The following CCDC148 variants were observed in gnomAD, a reference collection of about 807,000 sequenced individuals.
CCDC148 encodes coiled-coil domain containing 148, also known as coiled-coil domain-containing protein 148.
A neutral mutation model predicts 85.7 loss-of-function variants in CCDC148; 89 were observed. The ratio of observed to expected loss-of-function variants is 1.04; its 90% CI spans 0.87 to 1.24. The LOEUF (loss-of-function observed/expected upper bound fraction) is 1.24, where lower values mean the gene tolerates loss of function less well. CCDC148 is among the 50% of genes most tolerant of loss of function. The pLI is 0.00. For missense variants in CCDC148, 692 were observed against 671.7 expected, an observed-to-expected ratio of 1.03 and a Z score of -0.33; for synonymous variants, 230 against 213.9, an observed-to-expected ratio of 1.08 and a Z score of -0.66.
At chr2:158,444,782 CT>C (rs1176073895) in intron 1 of CCDC148, among the ~76,000 whole-genome samples, 2 of 53,358 alleles carry the variant, frequency 3.7e-5, no homozygotes, top group Admixed American at 3.3e-4. Context: ...GAGACCCTGT[CT>C]TGAAAAAAAA....
At chr2:158,329,103 G>C (rs1692951964) in intron 7 of CCDC148, among the ~76,000 whole-genome samples, 1 of 152,282 alleles carries the variant, frequency 6.6e-6, no homozygotes, top group Middle Eastern at 3.4e-3. Flanking sequence ...CCTATGTCCT[G>C]AATGGTATTG....
At chr2:158,317,299 T>A (rs1256607791) in intron 7 of CCDC148, among the ~76,000 whole-genome samples, 1 of 152,248 alleles carries the variant, frequency 6.6e-6, no homozygotes, top group Non-Finnish European at 1.5e-5. Flanking sequence ...TGCTTTAGAA[T>A]GTTCATCTTT....
chr2:158,175,200 G>C (rs1418636088), intron 13 of CCDC148, among the ~76,000 whole-genome samples: 1 of 151,956 alleles, frequency 6.6e-6, no homozygotes, highest in African/African-American at 2.4e-5. Flanking sequence ...TAGCCCAGCG[G>C]CCTGAGACTT....
Position 158,178,867 on chromosome 2 carries a change from A to G in CCDC148, c.1488+12T>C, listed in dbSNP as rs1208880980. On this transcript the variant is annotated intron_variant, in intron 12 of 13. Coordinates refer to ENST00000283233, the MANE Select transcript of CCDC148 (RefSeq NM_138803.4). ...AAAAAACCACCCATGAAAATTTCCA[A>G]ATGAAAAACACCTGTTTCCTAAGGG... 6.3e-7 allele frequency: 1 copy of G among 1,593,186 alleles called. No homozygotes were observed. The highest frequency in any genetic ancestry group is 8.6e-7 in the Non-Finnish European group (1 of 1,165,922).
At chr2:158,340,093 T>C in intron 5 of CCDC148, 149 bp downstream of exon 5, 2 of 579,972 alleles carry the variant, frequency 3.4e-6, no homozygotes, top group South Asian at 7.8e-5. Context: ...ATTTAGTGGA[T>C]AGAATTAGCT....
intron 7 of CCDC148, among the ~76,000 whole-genome samples, chr2:158,319,255 G>A (rs1006140039): frequency 1.3e-5 from 2 of 152,116 alleles, no homozygotes; most frequent in African/African-American, 2.4e-5. Context: ...ACTTGGCACT[G>A]CTTCAGGAAA....
intron 11 of CCDC148, 87 bp downstream of exon 11, chr2:158,220,508 G>C: frequency 1.2e-6 from 1 of 854,674 alleles, no homozygotes; most frequent in Non-Finnish European, 1.9e-6. Flanking sequence ...ATAGAAAAAA[G>C]TTCCCTCTGA....
At chr2:158,244,969 TA>T (rs1312068862) in intron 10 of CCDC148, among the ~76,000 whole-genome samples, 1 of 152,186 alleles carries the variant, frequency 6.6e-6, no homozygotes, top group African/African-American at 2.4e-5. Flanking sequence ...CTTAGCTCTT[TA>T]GATCAGTATA....
intron 2 of CCDC148, among the ~76,000 whole-genome samples, chr2:158,346,945 C>G (rs1446869736): frequency 6.8e-6 from 1 of 147,950 alleles, no homozygotes; most frequent in African/African-American, 2.4e-5. Context: ...AAGTCAAAGT[C>G]AAATATTTTC....
intron 9 of CCDC148, among the ~76,000 whole-genome samples, chr2:158,279,898 G>A (rs1427314869): frequency 2.0e-5 from 3 of 151,466 alleles, no homozygotes; most frequent in African/African-American, 4.8e-5. Flanking sequence ...TACCGACAAA[G>A]GGAAACCCAT....
intron 1 of CCDC148, among the ~76,000 whole-genome samples, chr2:158,395,101 G>A (rs370842405): frequency 2.0e-5 from 3 of 151,744 alleles, no homozygotes; most frequent in Non-Finnish European, 4.4e-5. Flanking sequence ...CTAATTCACA[G>A]CCAAAAAAAA....
chr2:158,294,001 CCTCCTTCCTTCCTTCCTTCCT>C, intron 9 of CCDC148, among the ~76,000 whole-genome samples: 1 of 35,864 alleles, frequency 2.8e-5, no homozygotes, highest in Admixed American at 3.5e-4. Context: ...TCCCTCCCTC[CCTCCTTCCTTCCTTCCTTCCT>C]TCCTTCCTTC....
rs190864551 is a variant in CCDC148, at chr2:158,434,586, T to C, written c.25+21829A>G. ...CTCTTCTCCTCCAAAGGAATGCAGC[T>C]CCTCACCAGCAACAGAACAAAGCTG... On this transcript the variant is annotated intron_variant, in intron 1 of 13. Coordinates refer to ENST00000283233, the MANE Select transcript of CCDC148 (RefSeq NM_138803.4). 4.6e-5 allele frequency among the ~76,000 whole-genome samples: 7 copies of C among 152,154 alleles called. No individual in the cohort carries two copies. In the East Asian group the frequency reaches 1.2e-3, roughly 25 times the overall value.
intron 3 of CCDC148, 38 bp downstream of exon 3, chr2:158,345,167 TATTCCTAGTA>T: frequency 7.9e-7 from 1 of 1,273,822 alleles, no homozygotes; most frequent in Admixed American, 1.8e-5. Flanking sequence ...AGATAAGTGC[TATTCCTAGTA>T]ATTCCTACGT....
chr2:158,447,121 T>G (rs888570098), intron 1 of CCDC148: 5 of 152,334 alleles, frequency 3.3e-5, no homozygotes, highest in African/African-American at 9.6e-5. Flanking sequence ...TGCTGGGTCA[T>G]ATGGTATAAG....
rs574692468 is a variant in CCDC148, at chr2:158,191,088, T to C, written c.1371-12092A>G. On this transcript the variant is annotated intron_variant, in intron 11 of 13. Coordinates refer to ENST00000283233, the MANE Select transcript of CCDC148 (RefSeq NM_138803.4). ...TAATTGGTCCTCGTTTTTCTGGAGA[T>C]AGACATCTGTATGATTATGATGATG... Among the ~76,000 whole-genome samples the C allele has an allele frequency of 1.1e-4, 16 of 152,164 alleles. No homozygotes were observed. The East Asian group carries it at 2.3e-3, about 22-fold the overall frequency.
At chr2:158,419,347 A>G (rs1330132504) in intron 1 of CCDC148, among the ~76,000 whole-genome samples, 1 of 152,172 alleles carries the variant, frequency 6.6e-6, no homozygotes, top group African/African-American at 2.4e-5. Context: ...TTTACAAGAT[A>G]ATTTTGTGAT....
intron 10 of CCDC148, among the ~76,000 whole-genome samples, chr2:158,232,103 C>T (rs1175468339): frequency 1.3e-5 from 2 of 152,106 alleles, no homozygotes; most frequent in African/African-American, 2.4e-5. Flanking sequence ...GAATTTATAG[C>T]TTGTCTCTTT....
At chr2:158,305,238 G>A (rs1691630560) in intron 9 of CCDC148, among the ~76,000 whole-genome samples, 2 of 152,124 alleles carry the variant, frequency 1.3e-5, no homozygotes. Context: ...TCCTGGGGAC[G>A]GTGAAGGAAA....
Sources: gnomAD v4.1 joint callset for allele counts (sites outside exome capture counted in the v4.1 genomes callset) on GRCh38, gnomAD v4.1.1 for gene constraint, MANE v1.5 for transcripts, NCBI Gene and HGNC (gene_info 2026-07-23, HGNC 2026-07-21) for gene names.